SORCS1: variants seen among roughly 807,000 people sequenced by gnomAD.
SORCS1 encodes VPS10 domain-containing receptor SorCS1.
SORCS1 carries 60 observed loss-of-function variants against 146.1 expected under a neutral mutation model. That is an observed-to-expected ratio of 0.41 (90% CI 0.33 to 0.51). SORCS1 has a LOEUF of 0.51. Ranked by LOEUF, SORCS1 falls within the 20% of genes least tolerant of loss-of-function variation. The pLI, the probability that SORCS1 is intolerant of heterozygous loss-of-function variation, is 0.21. For missense variants in SORCS1, 1,352 were observed against 1,487.6 expected (o/e 0.91, Z 1.50); for synonymous variants, 637 against 584.0 (o/e 1.09, Z -1.31).
At chr10:106,949,330 C>G (rs905870258) in intron 2 of SORCS1, among the ~76,000 whole-genome samples, 1 of 152,146 alleles carries the variant, frequency 6.6e-6, no homozygotes, top group Non-Finnish European at 1.5e-5. Flanking sequence ...AAAGCAGGGA[C>G]TAACAATCTG....
chr10:106,958,826 C>A (rs1436310126), intron 1 of SORCS1, among the ~76,000 whole-genome samples: 1 of 152,132 alleles, frequency 6.6e-6, no homozygotes, highest in African/African-American at 2.4e-5. Flanking sequence ...CACCGCCATC[C>A]CAGGAACGCT....
chr10:106,911,522 A>T (rs1952152787), intron 2 of SORCS1, among the ~76,000 whole-genome samples: 1 of 152,052 alleles, frequency 6.6e-6, no homozygotes, highest in African/African-American at 2.4e-5. Flanking sequence ...CATCAGTACC[A>T]GAGAACCAGG....
At chr10:107,147,563 C>T (rs1365407285) in intron 1 of SORCS1, among the ~76,000 whole-genome samples, 1 of 152,048 alleles carries the variant, frequency 6.6e-6, no homozygotes, top group Non-Finnish European at 1.5e-5. Flanking sequence ...TTTTTGGCCA[C>T]TTTTGTAGAA....
At chr10:106,583,756 G>A (rs942466294) in intron 24 of SORCS1, among the ~76,000 whole-genome samples, 5 of 151,720 alleles carry the variant, frequency 3.3e-5, no homozygotes, top group Admixed American at 6.6e-5. Flanking sequence ...TGATCCACCC[G>A]CCTTGACCTC....
intron 1 of SORCS1, among the ~76,000 whole-genome samples, chr10:107,000,435 T>C (rs1283628165): frequency 6.9e-6 from 1 of 143,888 alleles, no homozygotes; most frequent in African/African-American, 2.7e-5. Flanking sequence ...CCGTCTCTAC[T>C]AAAATACAAA....
At chr10:106,805,228 G>C (rs1041686378) in intron 3 of SORCS1, among the ~76,000 whole-genome samples, 5 of 152,006 alleles carry the variant, frequency 3.3e-5, no homozygotes, top group Non-Finnish European at 7.4e-5. Context: ...CAATGGGTTA[G>C]ATTAAAGGAT....
chr10:107,167,914 A>T (rs1970090317), upstream of SORCS1, among the ~76,000 whole-genome samples: 1 of 152,186 alleles, frequency 6.6e-6, no homozygotes, highest in Admixed American at 6.5e-5. Context: ...TGGTGTGCAC[A>T]ATCAAAAAAG....
At chr10:106,892,369 G>C (rs1951270873) in intron 2 of SORCS1, among the ~76,000 whole-genome samples, 1 of 152,192 alleles carries the variant, frequency 6.6e-6, no homozygotes, top group African/African-American at 2.4e-5. Flanking sequence ...ACTTCAAATA[G>C]TCTCTGGACA....
chr10:106,669,916 T>TA (rs1400287421), intron 16 of SORCS1, among the ~76,000 whole-genome samples: 1 of 152,248 alleles, frequency 6.6e-6, no homozygotes, highest in Non-Finnish European at 1.5e-5. Flanking sequence ...AGAGAAGGCT[T>TA]AACTTTTCTA....
chr10:106,861,735 A>G (rs1214143794), intron 2 of SORCS1, among the ~76,000 whole-genome samples: 3 of 151,628 alleles, frequency 2.0e-5, no homozygotes, highest in Non-Finnish European at 4.4e-5. Context: ...ACTAAAATAC[A>G]AAAATTAGCC....
chr10:107,170,838 C>A, the SORCS1 span, among the ~76,000 whole-genome samples: 61 of 152,296 alleles, frequency 4.0e-4, no homozygotes, highest in South Asian at 5.8e-3. Context: ...GAGAGGCGGT[C>A]AAAGGCACAA....
rs547537433 is a variant in SORCS1, at chr10:106,787,977, A to G, written c.727-11285T>C. Among the ~76,000 whole-genome samples the G allele has an allele frequency of 2.6e-5, 4 of 152,382 alleles. No individual in the cohort carries two copies. In the East Asian group the frequency reaches 7.7e-4, roughly 29 times the overall value. ...GCCTTGATCATATGAAAGACAGTTCATAGATGGTTTGGCTTTCTTTGAATG... is the reference window on the plus strand; with the variant it reads ...GCCTTGATCATATGAAAGACAGTTCGTAGATGGTTTGGCTTTCTTTGAATG... On this transcript the variant is annotated intron_variant, in intron 3 of 25. Transcript: ENST00000263054.
chr10:106,581,322 T>TACACACACACACACAC (rs3044191), intron 24 of SORCS1, among the ~76,000 whole-genome samples: 25 of 142,334 alleles, frequency 1.8e-4, no homozygotes, highest in African/African-American at 6.4e-4. Flanking sequence ...TCGTCATACA[T>TACACACACACACACAC]ACACACACAC....
At chr10:106,726,517 T>G (rs1259704131) in intron 6 of SORCS1, among the ~76,000 whole-genome samples, 1 of 151,996 alleles carries the variant, frequency 6.6e-6, no homozygotes, top group African/African-American at 2.4e-5. Flanking sequence ...TAAGAAAATG[T>G]GCAGATCACA....
At chr10:106,913,547 C>A (rs997745916) in intron 2 of SORCS1, among the ~76,000 whole-genome samples, 1 of 152,180 alleles carries the variant, frequency 6.6e-6, no homozygotes, top group African/African-American at 2.4e-5. Context: ...CAACTTAATT[C>A]TATCTATTAA....
intron 1 of SORCS1, among the ~76,000 whole-genome samples, chr10:107,018,265 C>T (rs1957982051): frequency 6.6e-6 from 1 of 152,068 alleles, no homozygotes; most frequent in African/African-American, 2.4e-5. Flanking sequence ...AGCTCTGCCT[C>T]CTGGGTTCAT....
intron 1 of SORCS1, among the ~76,000 whole-genome samples, chr10:107,162,740 G>A (rs140412135): frequency 6.6e-6 from 1 of 152,328 alleles, no homozygotes; most frequent in East Asian, 1.9e-4. Flanking sequence ...CTGACAATGA[G>A]CACAACTCAC....
chr10:107,027,506 A>G (rs1284578840), intron 1 of SORCS1, among the ~76,000 whole-genome samples: 1 of 152,172 alleles, frequency 6.6e-6, no homozygotes, highest in East Asian at 1.9e-4. Context: ...CAGCTAAGCA[A>G]TATTCGCTCT....
intron 3 of SORCS1, among the ~76,000 whole-genome samples, chr10:106,812,058 T>C (rs1419159229): frequency 6.6e-6 from 1 of 152,116 alleles, no homozygotes; most frequent in Non-Finnish European, 1.5e-5. Flanking sequence ...TGGAGTGCAG[T>C]GGCCCGATCC....
Sources: allele counts gnomAD v4.1 joint callset (sites outside exome capture counted in the v4.1 genomes callset), GRCh38; gene constraint gnomAD v4.1.1; transcripts MANE v1.5; gene names NCBI Gene and HGNC (gene_info 2026-07-23, HGNC 2026-07-21).